Variants in FOXN3 observed in about 807,000 individuals in gnomAD.
FOXN3 encodes forkhead box N3, also known as forkhead box protein N3.
FOXN3 carries 7 observed loss-of-function variants against 38.4 expected under a neutral mutation model. The ratio of observed to expected loss-of-function variants is 0.18; its 90% CI spans 0.10 to 0.34. FOXN3 has a LOEUF of 0.34. Among genes scored for constraint, FOXN3 ranks in the 10% least tolerant of loss-of-function variants. The pLI is 1.00. For missense variants in FOXN3, 456 were observed against 613.4 expected (o/e 0.74, Z 2.71); for synonymous variants, 230 against 242.2 (o/e 0.95, Z 0.47).
chr14:89,199,368 AT>A (rs1438782028), intron 4 of FOXN3, among the ~76,000 whole-genome samples: 11 of 152,296 alleles, frequency 7.2e-5, no homozygotes, highest in African/African-American at 2.6e-4. Context: ...CCAAGTTGTG[AT>A]TTTACGCATC....
At chr14:89,371,070 C>T (rs191258009) in intron 2 of FOXN3, among the ~76,000 whole-genome samples, 2 of 152,250 alleles carry the variant, frequency 1.3e-5, no homozygotes, top group Admixed American at 6.5e-5. Flanking sequence ...AAGCAGCTTT[C>T]TTACAAAGTT....
Position 89,317,472 on chromosome 14 carries a change from A to G in FOXN3, c.680+33200T>C, listed in dbSNP as rs1490138826. ...GGGAATCACTCAGAAATCATTAGACAGTCATTGTACTTCTGAAAGTGCCTG... is the reference window on the plus strand; with the variant it reads ...GGGAATCACTCAGAAATCATTAGACGGTCATTGTACTTCTGAAAGTGCCTG... On this transcript the variant is annotated intron_variant, in intron 3 of 5. Coordinates refer to ENST00000557258, the MANE Select transcript of FOXN3 (RefSeq NM_005197.4). Among the ~76,000 whole-genome samples, 3 of 152,196 alleles carry G rather than the reference A, an allele frequency of 2.0e-5. No individual in the cohort carries two copies. The East Asian group carries it at 5.8e-4, about 29-fold the overall frequency.
At chr14:89,376,227 G>A (rs1890473712) in intron 2 of FOXN3, among the ~76,000 whole-genome samples, 1 of 152,112 alleles carries the variant, frequency 6.6e-6, no homozygotes, top group Non-Finnish European at 1.5e-5. Context: ...AGACTAAAAG[G>A]AGTATGTTCA....
In FOXN3 at chr14:89,320,124, CT is replaced by C. The variant is rs1237575114; in HGVS notation, c.680+30547del. 2.6e-5 allele frequency among the ~76,000 whole-genome samples: 4 copies of C among 152,270 alleles called. No individual in the cohort carries two copies. In the East Asian group the frequency reaches 7.7e-4, roughly 29 times the overall value. The stretch of plus-strand genomic sequence containing the variant: ...GAAGGGGAAGATAGAGGTTACAGTA[CT>C]TCATTTTTAAGAAAAAGGGGAAAGT... On this transcript the variant is annotated intron_variant, in intron 3 of 5. Coordinates refer to ENST00000557258, the MANE Select transcript of FOXN3 (RefSeq NM_005197.4).
At chr14:89,320,215 G>A (rs968689807) in intron 3 of FOXN3, among the ~76,000 whole-genome samples, 4 of 152,148 alleles carry the variant, frequency 2.6e-5, no homozygotes, top group Admixed American at 6.5e-5. Context: ...GGGTGGGCAC[G>A]TATTTTACAT....
At chr14:89,607,333 C>T (rs562090439) in intron 1 of FOXN3, among the ~76,000 whole-genome samples, 11 of 152,096 alleles carry the variant, frequency 7.2e-5, no homozygotes, top group African/African-American at 2.2e-4. Flanking sequence ...CCGAGGCAGG[C>T]GGATCACTTG....
intron 5 of FOXN3, among the ~76,000 whole-genome samples, chr14:89,168,494 G>A (rs1014397268): frequency 2.0e-5 from 3 of 152,038 alleles, no homozygotes; most frequent in Non-Finnish European, 2.9e-5. Context: ...TACACTGAAG[G>A]TCTCCTAAAA....
chr14:89,582,710 T>C (rs2139913104), intron 1 of FOXN3, among the ~76,000 whole-genome samples: 1 of 152,294 alleles, frequency 6.6e-6, no homozygotes, highest in South Asian at 2.1e-4. Flanking sequence ...TATATACACC[T>C]GTGAAACCAT....
intron 1 of FOXN3, among the ~76,000 whole-genome samples, chr14:89,436,719 C>T (rs1388506039): frequency 6.6e-6 from 1 of 152,206 alleles, no homozygotes; most frequent in Non-Finnish European, 1.5e-5. Context: ...TTCTTGACTT[C>T]CTGTTCACAA....
chr14:89,177,200 G>C (rs1887544887), intron 5 of FOXN3, among the ~76,000 whole-genome samples: 1 of 151,926 alleles, frequency 6.6e-6, no homozygotes, highest in South Asian at 2.1e-4. Flanking sequence ...TAGTAGAGAT[G>C]ATGTTTCACC....
At chr14:89,512,356 G>C (rs1216201802) in intron 1 of FOXN3, among the ~76,000 whole-genome samples, 1 of 152,196 alleles carries the variant, frequency 6.6e-6, no homozygotes, top group Admixed American at 6.5e-5. Flanking sequence ...GGGCTTTATA[G>C]AAAGACGTGA....
chr14:89,330,121 G>T (rs1344573743), intron 3 of FOXN3, among the ~76,000 whole-genome samples: 1 of 152,200 alleles, frequency 6.6e-6, no homozygotes, highest in Non-Finnish European at 1.5e-5. Context: ...ACATCCTCCA[G>T]GTTTCCTTTA....
chr14:89,534,105 T>G (rs970747517), intron 1 of FOXN3, among the ~76,000 whole-genome samples: 2 of 98,276 alleles, frequency 2.0e-5, no homozygotes, highest in African/African-American at 5.8e-5. Flanking sequence ...ACATTCTTTT[T>G]TTTTTTTTTT....
At chr14:89,268,005 C>A (rs1886034569) in intron 4 of FOXN3, among the ~76,000 whole-genome samples, 1 of 152,076 alleles carries the variant, frequency 6.6e-6, no homozygotes, top group African/African-American at 2.4e-5. Flanking sequence ...TCTGAAAATC[C>A]TTCATAATAA....
intron 3 of FOXN3, among the ~76,000 whole-genome samples, chr14:89,336,083 A>G (rs966919620): frequency 3.3e-5 from 5 of 150,920 alleles, no homozygotes; most frequent in African/African-American, 1.2e-4. Context: ...ATATTGTGTG[A>G]TTCTCCCCAC....
chr14:89,501,323 C>T (rs376029588), intron 1 of FOXN3, among the ~76,000 whole-genome samples: 19 of 152,066 alleles, frequency 1.2e-4, no homozygotes, highest in East Asian at 7.7e-4. Flanking sequence ...AATAAAAATA[C>T]GTTTGTTGGT....
At chr14:89,489,458 CA>C (rs1257906875) in intron 1 of FOXN3, among the ~76,000 whole-genome samples, 2 of 152,168 alleles carry the variant, frequency 1.3e-5, no homozygotes, top group Non-Finnish European at 2.9e-5. Context: ...TTCTGAGGAA[CA>C]AACTTGGCAT....
In FOXN3 at chr14:89,530,247, C is replaced by T. The variant is rs148196966; in HGVS notation, c.-15+88781G>A. On this transcript the variant is annotated intron_variant, in intron 1 of 6. Transcript: ENST00000345097. Reference sequence around the variant, plus strand: ...GCCACTGCACCTGGCCTTGAGACCACGTAATTTATAAAGAAAAAGAGGTTT... The same window carrying T: ...GCCACTGCACCTGGCCTTGAGACCATGTAATTTATAAAGAAAAAGAGGTTT... Among the ~76,000 whole-genome samples, 361 of 152,078 alleles carry T rather than the reference C, an allele frequency of 2.4e-3. 2 individuals carry two copies. The highest frequency in any genetic ancestry group is 8.0e-3 in the African/African-American group (332 of 41,486).
At chr14:89,469,825 A>T (rs1289760409) in intron 1 of FOXN3, among the ~76,000 whole-genome samples, 1 of 152,248 alleles carries the variant, frequency 6.6e-6, no homozygotes, top group Non-Finnish European at 1.5e-5. Context: ...AACACGCAGG[A>T]TCGTTCCATG....
Sources: gnomAD v4.1 joint callset for allele counts (sites outside exome capture counted in the v4.1 genomes callset) on GRCh38, gnomAD v4.1.1 for gene constraint, MANE v1.5 for transcripts, NCBI Gene and HGNC (gene_info 2026-07-23, HGNC 2026-07-21) for gene names.